Variants in ZNF330 observed in about 807,000 individuals in gnomAD.
ZNF330 encodes zinc finger protein 330.
ZNF330 carries 31 observed loss-of-function variants against 45.5 expected under a neutral mutation model. The observed-to-expected ratio is 0.68, with a 90% CI of 0.51 to 0.92. The LOEUF (loss-of-function observed/expected upper bound fraction) is 0.92. Among genes scored for constraint, ZNF330 ranks in the 40% least tolerant of loss-of-function variants. The pLI is 0.00. For missense variants in ZNF330, 356 were observed against 387.4 expected, an observed-to-expected ratio of 0.92 and a Z score of 0.68; for synonymous variants, 138 against 123.2, an observed-to-expected ratio of 1.12 and a Z score of -0.79.
At chr4:141,232,803 G>A (rs1051622400) in intron 9 of ZNF330, among the ~76,000 whole-genome samples, 161 bp downstream of exon 9, 3 of 151,768 alleles carry the variant, frequency 2.0e-5, no homozygotes, top group African/African-American at 7.3e-5. Context: ...GAAAATATGT[G>A]GGTAAAGTTT....
At chr4:141,223,836 C>T (rs1728741238) in intron 2 of ZNF330, 1 of 453,994 alleles carries the variant, frequency 2.2e-6, no homozygotes, top group African/African-American at 2.0e-5. Context: ...GGGATTTTCA[C>T]CAGAACTTTC....
intron 4 of ZNF330, 39 bp downstream of exon 4, chr4:141,224,716 A>G (rs770369590): frequency 6.4e-7 from 1 of 1,564,806 alleles, no homozygotes; most frequent in Non-Finnish European, 8.8e-7. Context: ...CTTTTTATCA[A>G]CTGGTAGTTC....
rs574195102 is a variant in ZNF330 at position 141,229,694 on chromosome 4, C to A, written c.415C>A (p.His139Asn). 1 of 1,612,882 alleles carries A rather than the reference C, an allele frequency of 6.2e-7. No individual in the cohort carries two copies. Among genetic ancestry groups the A allele is most frequent in the Admixed American group, 1.7e-5 (1 of 59,968 alleles). The change falls in exon 6 of 10, where the codon CAT becomes AAT. Residue 139 changes from histidine (H) to asparagine (N), a missense_variant. Coordinates refer to ENST00000262990, the MANE Select transcript of ZNF330 (RefSeq NM_014487.6). The part of the protein sequence containing the change: ...CVECERGVWD[H>N]GGRIFSCSFC... ...TGAATGTGAACGAGGCGTGTGGGAC[C>A]ATGGTGAGTCATTAGACACAAGTAA... is the stretch of plus-strand genomic sequence containing the variant.
At position 141,220,929 on chromosome 4, in the gene ZNF330, T is replaced by G. The variant is rs1465204448; in HGVS notation, c.-186T>G. On this transcript the variant is annotated 5_prime_UTR_variant, in exon 1 of 10. Transcript: ENST00000262990. ...AAAGGACGTCCGGTCCGTCTCCTAG[T>G]GTCCGGAATCGGCTGTCAGCCTCCC... 6.6e-6 allele frequency: 1 copy of G among 152,274 alleles called. No individual in the cohort carries two copies. Among genetic ancestry groups the G allele is most frequent in the African/African-American group, 2.4e-5 (1 of 41,468 alleles). The allele number at this position is 152,274 out of a possible 1,614,324, so 9.4% of individuals were successfully genotyped here.
intron 5 of ZNF330, among the ~76,000 whole-genome samples, chr4:141,228,406 C>T (rs953883851): frequency 6.6e-6 from 1 of 151,994 alleles, no homozygotes; most frequent in Non-Finnish European, 1.5e-5. Context: ...CCAGATTCCC[C>T]CTGAGAATAG....
At position 141,233,878 on chromosome 4, in the gene ZNF330, A is replaced by T. The variant is rs1194557427; in HGVS notation, c.852A>T (p.Glu284Asp). The change falls in exon 10 of 10, where the codon GAA (glutamate) becomes GAT (aspartate). Residue 284 changes from glutamate to aspartate, a missense_variant. Glu to Asp is a conservative substitution (Grantham distance 45). Coordinates refer to ENST00000262990, the MANE Select transcript of ZNF330 (RefSeq NM_014487.6). ...EYEAEDDEEE[E>D]DEGRKDSDTE... is the part of the protein sequence containing the mutation. ...AAGCAGAGGATGATGAAGAGGAAGA[A>T]GATGAAGGCAGAAAGGATTCAGATA... 2 of 1,613,674 alleles carry T rather than the reference A, an allele frequency of 1.2e-6. No individual in the cohort carries two copies. The highest frequency in any genetic ancestry group is 2.2e-5 in the East Asian group (1 of 44,876).
At chr4:141,227,564 G>A (rs1300367261) in intron 5 of ZNF330, among the ~76,000 whole-genome samples, 1 of 152,072 alleles carries the variant, frequency 6.6e-6, no homozygotes, top group Non-Finnish European at 1.5e-5. Context: ...TTGGTTCCAA[G>A]TCTTTGCTAT....
chr4:141,234,143 T>C lies in ZNF330; in HGVS notation c.*154T>C. On this transcript the variant is annotated 3_prime_UTR_variant, in exon 10 of 10. Coordinates refer to ENST00000262990, the MANE Select transcript of ZNF330 (RefSeq NM_014487.6). Reference sequence around the variant, plus strand: ...GCCAAGCAATAGGGTGTAGCGTTTTTATAGAACTGATAATCAGGCTTATGG... The same window carrying C: ...GCCAAGCAATAGGGTGTAGCGTTTTCATAGAACTGATAATCAGGCTTATGG... The C allele has an allele frequency of 7.4e-7, 1 of 1,343,486 alleles. No individual in the cohort carries two copies. The highest frequency in any genetic ancestry group is 9.6e-7 in the Non-Finnish European group (1 of 1,037,192). The allele number at this position is 1,343,486 out of a possible 1,614,324, so 83.2% of individuals were successfully genotyped here. A position where few individuals can be genotyped will look rare whatever the true frequency, so the allele number is the denominator to read the frequency against.
chr4:141,232,120 C>T (rs909242273), intron 8 of ZNF330, among the ~76,000 whole-genome samples: 5 of 152,056 alleles, frequency 3.3e-5, no homozygotes, highest in African/African-American at 1.2e-4. Flanking sequence ...CCCATGTCTG[C>T]TTTAGTGCCC....
chr4:141,226,810 G>T lies in ZNF330; in HGVS notation c.255G>T (p.Lys85Asn). The change falls in exon 5 of 10, where the codon AAG becomes AAT. Residue 85 changes from lysine to asparagine, a missense_variant. By Grantham distance (94) the Lys-to-Asn change is moderately conservative. Transcript: ENST00000262990. ...CMMKSSDCVI[K>N]HAGVYSTGLA... is the part of the protein sequence containing the mutation. ...TGAAGTCTTCAGACTGTGTCATAAA[G>T]CATGCTGGTGTATACAGTACTGGCC... is the stretch of plus-strand genomic sequence containing the variant. 1 of 1,613,110 alleles carries T rather than the reference G, an allele frequency of 6.2e-7. No homozygotes were observed.
chr4:141,229,437 T>G, intron 5 of ZNF330, 134 bp from the exon 6 acceptor site: 1 of 1,187,432 alleles, frequency 8.4e-7, no homozygotes, highest in East Asian at 2.4e-5. Context: ...GTAAAATGTT[T>G]AAATGAAGCG....
chr4:141,222,514 G>C (rs762243181), intron 2 of ZNF330, 23 bp downstream of exon 2: 2 of 1,601,816 alleles, frequency 1.2e-6, no homozygotes, highest in Non-Finnish European at 1.7e-6. Context: ...TTTGATATCA[G>C]TTGGTAGTTG....
At chr4:141,232,777 G>A (rs1160709420) in intron 9 of ZNF330, 135 bp downstream of exon 9, 1 of 442,458 alleles carries the variant, frequency 2.3e-6, no homozygotes, top group African/African-American at 2.0e-5. Flanking sequence ...TAAGCAAGTG[G>A]AATTTTACAG....
At chr4:141,228,067 T>C (rs1485888933) in intron 5 of ZNF330, among the ~76,000 whole-genome samples, 1 of 152,108 alleles carries the variant, frequency 6.6e-6, no homozygotes, top group Non-Finnish European at 1.5e-5. Context: ...ATTTTATTTA[T>C]GGTAAATTTC....
In ZNF330 at chr4:141,229,815, G is replaced by A. The variant is rs910812067; in HGVS notation, c.418+118G>A. On this transcript the variant is annotated intron_variant, in intron 6 of 9. Coordinates refer to ENST00000262990, the MANE Select transcript of ZNF330 (RefSeq NM_014487.6). ...ACTGTCAATCCTAACTACTGGTACT[G>A]TTTTGATTATCAGTGTAGTTAGAGA... 1.8e-5 allele frequency: 23 copies of A among 1,297,196 alleles called. No individual in the cohort carries two copies. The South Asian group carries it at 2.7e-4, about 15-fold the overall frequency. 80.4% of individuals were successfully genotyped at this position (1,297,196 alleles called of 1,614,324 possible). A position where few individuals can be genotyped will look rare whatever the true frequency, so the allele number is the denominator to read the frequency against.
intron 5 of ZNF330, among the ~76,000 whole-genome samples, chr4:141,227,699 A>G (rs1320536830): frequency 1.3e-5 from 2 of 152,168 alleles, no homozygotes; most frequent in African/African-American, 2.4e-5. Context: ...ACAAAACAGT[A>G]TTTAGTGTAC....
At chr4:141,225,010 CTGTT>C (rs1220120309) in intron 4 of ZNF330, among the ~76,000 whole-genome samples, 2 of 152,050 alleles carry the variant, frequency 1.3e-5, no homozygotes, top group Non-Finnish European at 2.9e-5. Context: ...TTGTCAGTAT[CTGTT>C]TGTTTACTTA....
chr4:141,229,085 G>A (rs1389493089), intron 5 of ZNF330, among the ~76,000 whole-genome samples: 1 of 151,982 alleles, frequency 6.6e-6, no homozygotes, highest in African/African-American at 2.4e-5. Context: ...AAAGAAGCTG[G>A]CAGAAGTTTC....
chr4:141,233,383 C>T (rs72935064), intron 9 of ZNF330, among the ~76,000 whole-genome samples: 7,143 of 152,112 alleles, frequency 0.047, 551 homozygotes, highest in African/African-American at 0.16. Flanking sequence ...GAAAAATGTA[C>T]TGATACGAAA....
Sources: allele counts gnomAD v4.1 joint callset (sites outside exome capture counted in the v4.1 genomes callset), GRCh38; gene constraint gnomAD v4.1.1; transcripts MANE v1.5; gene names NCBI Gene and HGNC (gene_info 2026-07-23, HGNC 2026-07-21).